The following BAX variants were observed in gnomAD, a reference collection of about 807,000 sequenced individuals.
BAX encodes apoptosis regulator BAX.
A neutral mutation model predicts 26.8 loss-of-function variants in BAX; 21 were observed. The observed-to-expected ratio is 0.78, with a 90% CI of 0.56 to 1.13. The LOEUF is 1.13. Ranked by LOEUF, BAX falls within the 50% of genes most tolerant of loss-of-function variation. The pLI is 0.00. For missense variants in BAX, 236 were observed against 254.6 expected (o/e 0.93, Z 0.50); for synonymous variants, 110 against 101.8 (o/e 1.08, Z -0.49).
In BAX at chr19:48,956,337, G is replaced by A. The variant is rs1333329277; in HGVS notation, c.369+4G>A. 1 of 1,556,268 alleles carries A rather than the reference G, an allele frequency of 6.4e-7. No homozygotes were observed. The highest frequency in any genetic ancestry group is 8.7e-7 in the Non-Finnish European group (1 of 1,151,086). ...TGCCAGCAAACTGGTGCTCAAGGTG[G>A]GCAGCTGCAGGGCAGTGAGCCCAGG... is the stretch of plus-strand genomic sequence containing the variant. On this transcript the variant is annotated splice_donor_region_variant and intron_variant, in intron 4 of 5. Coordinates refer to ENST00000345358, the MANE Select transcript of BAX (RefSeq NM_138761.4).
Position 48,955,216 on chromosome 19 carries a change from C to A in BAX, c.34+254C>A, listed in dbSNP as rs1056328882. ...GGATCTCGGAAGCCAAGCCCCCGGG[C>A]AGGCCCGGGCTTGTCGCCCGCACCA... On this transcript the variant is annotated intron_variant, in intron 1 of 5. Coordinates refer to ENST00000345358, the MANE Select transcript of BAX (RefSeq NM_138761.4). 13 of 440,774 alleles carry A rather than the reference C, an allele frequency of 2.9e-5. No homozygotes were observed. The South Asian group carries it at 3.5e-4, about 12-fold the overall frequency. 27.3% of individuals were successfully genotyped at this position (440,774 alleles called of 1,614,324 possible). A position where few individuals can be genotyped will look rare whatever the true frequency, so the allele number is the denominator to read the frequency against.
intron 4 of BAX, chr19:48,960,148 G>A: frequency 2.5e-6 from 1 of 405,516 alleles, no homozygotes; most frequent in East Asian, 7.5e-5. Flanking sequence ...AGGCTCAGGG[G>A]TGGGGCAGTT....
intron 4 of BAX, among the ~76,000 whole-genome samples, chr19:48,960,033 G>A (rs1045279067): frequency 2.0e-5 from 3 of 151,314 alleles, no homozygotes; most frequent in Admixed American, 6.6e-5. Context: ...GCACAAAACA[G>A]GAAGTGGAAA....
intron 4 of BAX, among the ~76,000 whole-genome samples, chr19:48,959,151 C>G (rs1463641875): frequency 6.6e-6 from 1 of 150,428 alleles, no homozygotes; most frequent in Non-Finnish European, 1.5e-5. Flanking sequence ...GAGATCGAGA[C>G]CATCCTGGCT....
chr19:48,955,732 G>A lies in BAX; in HGVS notation c.132G>A (p.Glu44=), dbSNP rs763131347. 6.2e-7 allele frequency: 1 copy of A among 1,613,346 alleles called. No homozygotes were observed. Among genetic ancestry groups the A allele is most frequent in the South Asian group, 1.1e-5 (1 of 90,998 alleles). ...GGCGAATGGGGGGGGAGGCACCCGA[G>A]CTGGCCCTGGACCCGGTGCCTCAGG... The part of the protein sequence containing the change: ...RAGRMGGEAP[E]LALDPVPQDA... Residue 44 remains glutamate (E), a synonymous_variant, in exon 3 of 6, where the codon GAG becomes GAA. Coordinates refer to ENST00000345358, the MANE Select transcript of BAX (RefSeq NM_138761.4).
At chr19:48,955,366 C>A in intron 1 of BAX, 182 bp from the exon 2 acceptor site, 1 of 632,632 alleles carries the variant, frequency 1.6e-6, no homozygotes, top group Non-Finnish European at 2.6e-6. Flanking sequence ...ACAGGCCCAG[C>A]CTCCTGGCCT....
chr19:48,957,276 T>TC (rs1314244485), intron 4 of BAX, among the ~76,000 whole-genome samples: 3 of 121,840 alleles, frequency 2.5e-5, no homozygotes, highest in Middle Eastern at 4.0e-3. Flanking sequence ...TTTTTTTTTT[T>TC]TTTTTTTTTT....
At chr19:48,958,072 A>G (rs1207245895) in intron 4 of BAX, among the ~76,000 whole-genome samples, 1 of 143,168 alleles carries the variant, frequency 7.0e-6, no homozygotes, top group Non-Finnish European at 1.5e-5. Context: ...CCCTGGTGGT[A>G]GCAGCAGAGG....
Position 48,961,263 on chromosome 19 carries a change from T to C in BAX, c.475-269T>C, listed in dbSNP as rs57028628. The C allele has an allele frequency of 5.0e-3, 7,059 of 1,405,354 alleles. 86 individuals are homozygous for C. In the African/African-American group the frequency reaches 0.051, roughly 10 times the overall value. The allele number at this position is 1,405,354 out of a possible 1,614,324, so 87.1% of individuals were successfully genotyped here. A position where few individuals can be genotyped will look rare whatever the true frequency, so the allele number is the denominator to read the frequency against. Reference sequence around the variant, plus strand: ...CCTAGCTCTTTCCTTTTTTTTTTTTTCCCCACTGAGAAGGGGTCTCGCTAT... The same window carrying C: ...CCTAGCTCTTTCCTTTTTTTTTTTTCCCCCACTGAGAAGGGGTCTCGCTAT... On this transcript the variant is annotated intron_variant, in intron 5 of 5. Transcript: ENST00000345358.
intron 5 of BAX, chr19:48,961,317 C>T (rs895555988): frequency 2.9e-6 from 4 of 1,363,144 alleles, no homozygotes; most frequent in Non-Finnish European, 3.9e-6. Flanking sequence ...GAACTCCTGG[C>T]CTCAAGCGAT....
intron 4 of BAX, among the ~76,000 whole-genome samples, chr19:48,956,729 C>T (rs1377141832): frequency 7.3e-6 from 1 of 137,428 alleles, no homozygotes; most frequent in Non-Finnish European, 1.5e-5. Flanking sequence ...GATCTTGGTT[C>T]ACTGCAACCT....
Position 48,960,920 on chromosome 19 carries a change from A to C in BAX, c.474+6A>C. 3 of 1,611,876 alleles carry C rather than the reference A, an allele frequency of 1.9e-6. No individual in the cohort carries two copies. Among genetic ancestry groups the C allele is most frequent in the Non-Finnish European group, 2.5e-6 (3 of 1,179,330 alleles). Reference sequence around the variant, plus strand: ...TCCAAGACCAGGGTGGTTGGGTGAGACTCCTCAAGCCTCCTCACCCCCACC... The same window carrying C: ...TCCAAGACCAGGGTGGTTGGGTGAGCCTCCTCAAGCCTCCTCACCCCCACC... On this transcript the variant is annotated splice_donor_region_variant and intron_variant, in intron 5 of 5. Coordinates refer to ENST00000345358, the MANE Select transcript of BAX (RefSeq NM_138761.4).
chr19:48,957,993 A>G (rs1331855581), intron 4 of BAX, among the ~76,000 whole-genome samples: 4 of 152,060 alleles, frequency 2.6e-5, no homozygotes, highest in African/African-American at 9.7e-5. Context: ...AGAGATCATG[A>G]GGCACAAGGG....
chr19:48,960,522 C>G (rs2038315042), intron 4 of BAX, among the ~76,000 whole-genome samples: 1 of 152,194 alleles, frequency 6.6e-6, no homozygotes, highest in Non-Finnish European at 1.5e-5. Flanking sequence ...TGCCACCACG[C>G]CCGGCTAATT....
intron 4 of BAX, chr19:48,960,296 C>T (rs1048406089): frequency 9.4e-6 from 4 of 425,774 alleles, no homozygotes; most frequent in African/African-American, 2.1e-5. Context: ...TGGGTTCAAG[C>T]GATTCACCTG....
chr19:48,955,955 A>G (rs3817074), intron 3 of BAX, 122 bp downstream of exon 3: 1,143,441 of 1,288,394 alleles, frequency 0.89, 507,793 homozygotes, highest in East Asian at 0.96. Flanking sequence ...CTCAGCGCAA[A>G]CATTCCGGAC....
At chr19:48,955,408 C>G (rs1223859613) in intron 1 of BAX, 140 bp from the exon 2 acceptor site, 5 of 943,150 alleles carry the variant, frequency 5.3e-6, no homozygotes, top group Middle Eastern at 3.4e-4. Context: ...GTCTGGGCCC[C>G]CCCGTCACTT....
chr19:48,955,719 G>T lies in BAX; in HGVS notation c.119G>T (p.Gly40Val). 6.2e-7 allele frequency: 1 copy of T among 1,612,886 alleles called. No individual in the cohort carries two copies. The highest frequency in any genetic ancestry group is 8.5e-7 in the Non-Finnish European group (1 of 1,179,384). ...FIQDRAGRMG[G>V]EAPELALDPV... ...CAGGATCGAGCAGGGCGAATGGGGGGGGAGGCACCCGAGCTGGCCCTGGAC... is the reference window on the plus strand; with the variant it reads ...CAGGATCGAGCAGGGCGAATGGGGGTGGAGGCACCCGAGCTGGCCCTGGAC... The change falls in exon 3 of 6, where the codon GGG (glycine) becomes GTG (valine). Residue 40 changes from glycine (G) to valine (V), a missense_variant. Physicochemically the swap from Gly to Val is moderately radical, Grantham distance 109. Transcript: ENST00000345358.
At position 48,955,798 on chromosome 19, in the gene BAX, CG is replaced by C; in HGVS notation, c.202del (p.Asp68ThrfsTer12). Reference sequence around the variant, plus strand: ...AGCTGAGCGAGTGTCTCAAGCGCATCGGGGACGAACTGGACAGTAACATGGA... The same window carrying C: ...AGCTGAGCGAGTGTCTCAAGCGCATCGGGACGAACTGGACAGTAACATGGA... ...KKLSECLKRIGDELDSNMELQ... is the reference protein window; with the variant it reads ...KKLSECLKRIXDELDSNMELQ... On this transcript the variant is annotated frameshift_variant, in exon 3 of 6. Transcript: ENST00000345358. LOFTEE classifies it high-confidence loss of function. 2 of 1,611,060 alleles carry C rather than the reference CG, an allele frequency of 1.2e-6. No individual in the cohort carries two copies. Among genetic ancestry groups the C allele is most frequent in the Non-Finnish European group, 1.7e-6 (2 of 1,178,412 alleles).
Sources: gnomAD v4.1 joint callset for allele counts (sites outside exome capture counted in the v4.1 genomes callset) on GRCh38, gnomAD v4.1.1 for gene constraint, MANE v1.5 for transcripts, NCBI Gene and HGNC (gene_info 2026-07-23, HGNC 2026-07-21) for gene names.